Variants in CFAP46 observed in about 807,000 individuals in gnomAD.
CFAP46 encodes cilia and flagella associated protein 46, also known as cilia- and flagella-associated protein 46.
In CFAP46, 245 loss-of-function variants were observed where a neutral mutation model predicts 325.7. The ratio of observed to expected loss-of-function variants is 0.75; its 90% CI spans 0.68 to 0.84. The LOEUF is 0.84. Ranked by LOEUF, CFAP46 falls within the 40% of genes least tolerant of loss-of-function variation. CFAP46 has a pLI of 0.00. For synonymous variants in CFAP46, 1,523 were observed against 1,495.9 expected (o/e 1.02, Z -0.42); for missense variants, 3,346 against 3,543.0 (o/e 0.94, Z 1.41).
rs1276742774 is a variant in CFAP46, at chr10:132,936,979, T to C, written c.737A>G (p.Tyr246Cys). Residue 246 changes from tyrosine (Y) to cysteine (C), a missense_variant, in exon 7 of 58, where the codon TAT becomes TGT. Coordinates refer to ENST00000368586, the MANE Select transcript of CFAP46 (RefSeq NM_001200049.3). ...GACTTACGCCTTTAGCATATTAATA[T>C]AGAAAGTGACTGACAGGCTAATGGA... ...KNSISLSVTF[Y>C]INMLKAKAEQ... 1.3e-6 allele frequency: 2 copies of C among 1,545,844 alleles called. No individual in the cohort carries two copies. Among genetic ancestry groups the C allele is most frequent in the Non-Finnish European group, 1.8e-6 (2 of 1,137,072 alleles).
chr10:132,877,984 C>G lies in CFAP46; in HGVS notation c.4109G>C (p.Ser1370Thr). The G allele has an allele frequency of 3.2e-6, 5 of 1,550,144 alleles. No individual in the cohort carries two copies. Among genetic ancestry groups the G allele is most frequent in the African/African-American group, 1.4e-5 (1 of 72,790 alleles). Residue 1370 changes from serine to threonine, a missense_variant, in exon 30 of 58, where the codon AGT becomes ACT. By Grantham distance (58) the Ser-to-Thr change is moderately conservative (BLOSUM62 1). Coordinates refer to ENST00000368586, the MANE Select transcript of CFAP46 (RefSeq NM_001200049.3). This position sits in a 1 kb window ranked among gnomAD's most constrained non-coding sequence, Gnocchi z 5.7. ...LPKKEKENER[S>T]KEKEKERSKE... Reference sequence around the variant, plus strand: ...ACTCCTCTCCTTCTCCTTCTCTTTACTCCTCTCATTCTCCTTCTCTTTTTT... The same window carrying G: ...ACTCCTCTCCTTCTCCTTCTCTTTAGTCCTCTCATTCTCCTTCTCTTTTTT...
chr10:132,913,144 C>A lies in CFAP46; in HGVS notation c.2235G>T (p.Leu745=). ...CCAGGATCAGGTGGTGGTTGTGGTTCAGGACGTAGACCACGGCGTTCTGCA... is the reference window on the plus strand; with the variant it reads ...CCAGGATCAGGTGGTGGTTGTGGTTAAGGACGTAGACCACGGCGTTCTGCA... ...WIVQNAVVYV[L]NHNHHLILAG... is the part of the protein sequence containing the mutation. The change falls in exon 18 of 58, where the codon CTG becomes CTT. Residue 745 remains leucine, a synonymous_variant. Transcript: ENST00000368586. 1 of 1,550,450 alleles carries A rather than the reference C, an allele frequency of 6.4e-7. No homozygotes were observed. The highest frequency in any genetic ancestry group is 1.2e-5 in the South Asian group (1 of 84,066).
chr10:132,808,876 C>T lies in CFAP46; in HGVS notation c.7693G>A (p.Ala2565Thr). The T allele has an allele frequency of 6.3e-7, 1 of 1,597,430 alleles. No homozygotes were observed. The highest frequency in any genetic ancestry group is 8.6e-7 in the Non-Finnish European group (1 of 1,168,364). The change falls in exon 58 of 58, where the codon GCT becomes ACT. Residue 2565 changes from alanine (A) to threonine (T), a missense_variant. Physicochemically the swap from Ala to Thr is moderately conservative, Grantham distance 58. Coordinates refer to ENST00000368586, the MANE Select transcript of CFAP46 (RefSeq NM_001200049.3). The surrounding 1 kb of genome is among the most constrained non-coding windows in gnomAD (Gnocchi z 6.8). ...GCTCGGAGCTTTGGAGCAGCAGCAG[C>T]TTGTCCTTCAAGGTCTGAGAAGCCT... The part of the protein sequence containing the change: ...RRGFSDLEGQ[A>T]AAAPKLRAPS...
intron 25 of CFAP46, among the ~76,000 whole-genome samples, chr10:132,890,267 G>GCTGC (rs1417956299): frequency 1.3e-5 from 2 of 152,174 alleles, no homozygotes; most frequent in Non-Finnish European, 2.9e-5. Flanking sequence ...AGGGGTCTGG[G>GCTGC]CTGCCTTCTG....
At position 132,876,978 on chromosome 10, in the gene CFAP46, A is replaced by G. The variant is rs1357904139; in HGVS notation, c.4213-17T>C. The G allele has an allele frequency of 1.3e-6, 2 of 1,548,010 alleles. No homozygotes were observed. Among genetic ancestry groups the G allele is most frequent in the East Asian group, 4.9e-5 (2 of 40,898 alleles). On this transcript the variant is annotated splice_polypyrimidine_tract_variant and intron_variant, in intron 30 of 57. Coordinates refer to ENST00000368586, the MANE Select transcript of CFAP46 (RefSeq NM_001200049.3). This position sits in a 1 kb window ranked among gnomAD's most constrained non-coding sequence, Gnocchi z 4.1. Reference sequence around the variant, plus strand: ...GCTTTGAGACTAGAAAGGCAAGAATACAGGATTTACCTGAAACGGTGGAGG... The same window carrying G: ...GCTTTGAGACTAGAAAGGCAAGAATGCAGGATTTACCTGAAACGGTGGAGG...
At chr10:132,929,880 C>T (rs1849866761) in intron 8 of CFAP46, 76 bp from the exon 9 acceptor site, 6 of 1,003,188 alleles carry the variant, frequency 6.0e-6, no homozygotes, top group African/African-American at 1.6e-5. Flanking sequence ...GAATCCATGT[C>T]CCCCGTTCAA....
intron 7 of CFAP46, among the ~76,000 whole-genome samples, chr10:132,936,644 A>G: frequency 7.5e-6 from 1 of 133,628 alleles, no homozygotes; most frequent in African/African-American, 2.8e-5. Flanking sequence ...TGATCTCCTC[A>G]CTCCCCTCGG....
chr10:132,925,781 T>C (rs1325127337), intron 10 of CFAP46, among the ~76,000 whole-genome samples: 1 of 152,218 alleles, frequency 6.6e-6, no homozygotes, highest in East Asian at 1.9e-4. Flanking sequence ...GGGCTGAGGA[T>C]GGATGCGTTA....
Position 132,910,414 on chromosome 10 carries a change from G to A in CFAP46, c.2500-346C>T, listed in dbSNP as rs569058172. Reference sequence around the variant, plus strand: ...CGGTTGGGGGTGGGGCAGCAAGGACGGAGCCCCGAAAGTGGGGGCGTGAAA... The same window carrying A: ...CGGTTGGGGGTGGGGCAGCAAGGACAGAGCCCCGAAAGTGGGGGCGTGAAA... On this transcript the variant is annotated intron_variant, in intron 19 of 57. Transcript: ENST00000368586. Among the ~76,000 whole-genome samples the A allele has an allele frequency of 5.3e-5, 8 of 152,378 alleles. No individual in the cohort carries two copies. In the East Asian group the frequency reaches 5.8e-4, roughly 11 times the overall value.
At chr10:132,890,395 A>T (rs949887509) in intron 25 of CFAP46, among the ~76,000 whole-genome samples, 1 of 152,166 alleles carries the variant, frequency 6.6e-6, no homozygotes, top group Non-Finnish European at 1.5e-5. Flanking sequence ...ACCAGGCTGC[A>T]CCCTGGACAC....
At chr10:132,905,699 C>A (rs1401789493) in intron 22 of CFAP46, among the ~76,000 whole-genome samples, 1 of 152,228 alleles carries the variant, frequency 6.6e-6, no homozygotes, top group Non-Finnish European at 1.5e-5. Flanking sequence ...AGTTCTATTT[C>A]CTGCTCCTCT....
rs970871353 is a variant in CFAP46 at position 132,913,346 on chromosome 10, C to T, written c.2121-88G>A. Reference sequence around the variant, plus strand: ...GAAGGCTGCGGGGCCTGTTAGGAACCAGGCTGCAGGGCAAGAAGTGGGAGG... The same window carrying T: ...GAAGGCTGCGGGGCCTGTTAGGAACTAGGCTGCAGGGCAAGAAGTGGGAGG... On this transcript the variant is annotated intron_variant, in intron 17 of 57. Coordinates refer to ENST00000368586, the MANE Select transcript of CFAP46 (RefSeq NM_001200049.3). The T allele has an allele frequency of 2.0e-5, 14 of 703,796 alleles. No homozygotes were observed. The East Asian group carries it at 2.9e-4, about 15-fold the overall frequency. 43.6% of individuals were successfully genotyped at this position (703,796 alleles called of 1,614,324 possible). A position where few individuals can be genotyped will look rare whatever the true frequency, so the allele number is the denominator to read the frequency against.
At chr10:132,899,476 A>G (rs985971282) in intron 23 of CFAP46, 59 bp downstream of exon 23, 9 of 1,486,016 alleles carry the variant, frequency 6.1e-6, no homozygotes, top group Non-Finnish European at 5.4e-6. Context: ...TGGTGAGCAC[A>G]GGGGTCCCGC....
At position 132,853,675 on chromosome 10, in the gene CFAP46, A is replaced by G. The variant is rs548927252; in HGVS notation, c.5575-2370T>C. ...TTCCTTTGTGAGAATGTTTTTAATT[A>G]CAAATTAAAAATTTAAAATATATAG... On this transcript the variant is annotated intron_variant, in intron 39 of 57. Transcript: ENST00000368586. Among the ~76,000 whole-genome samples, 4 of 152,272 alleles carry G rather than the reference A, an allele frequency of 2.6e-5. No homozygotes were observed. In the South Asian group the frequency reaches 8.3e-4, roughly 32 times the overall value.
intron 39 of CFAP46, among the ~76,000 whole-genome samples, chr10:132,851,649 G>T (rs1170535595): frequency 6.6e-6 from 1 of 152,202 alleles, no homozygotes; most frequent in Non-Finnish European, 1.5e-5. Flanking sequence ...ATTTTCCTCG[G>T]TAAAGTCACC....
In CFAP46 at chr10:132,937,024, A is replaced by C. The variant is rs1191416177; in HGVS notation, c.692T>G (p.Leu231Ter). The C allele has an allele frequency of 6.5e-7, 1 of 1,533,096 alleles. No individual in the cohort carries two copies. 95.0% of individuals were successfully genotyped at this position (1,533,096 alleles called of 1,614,324 possible). A position where few individuals can be genotyped will look rare whatever the true frequency, so the allele number is the denominator to read the frequency against. The change falls in exon 7 of 58, where the codon TTA becomes TGA. Residue 231 changes from leucine to a stop codon, truncating the protein, a stop_gained. Transcript: ENST00000368586. LOFTEE classifies it high-confidence loss of function. ...VRHELMDELQ[L>*]KEEKKNSISL... ...AATGGAATTTTTCTTTTCTTCCTTT[A>C]ACTGAAGTTCGTCCATTAATTCATG...
In CFAP46 at chr10:132,884,562, C is replaced by T. The variant is rs1849094150; in HGVS notation, c.3627+541G>A. Among the ~76,000 whole-genome samples, 1 of 152,142 alleles carries T rather than the reference C, an allele frequency of 6.6e-6. No homozygotes were observed. The highest frequency in any genetic ancestry group is 6.5e-5 in the Admixed American group (1 of 15,282). ...CAGGTGCATACCACATGGCCCTTGC[C>T]CCTGACAAGCAGAGGCATCAAATCA... On this transcript the variant is annotated intron_variant, in intron 27 of 57. Coordinates refer to ENST00000368586, the MANE Select transcript of CFAP46 (RefSeq NM_001200049.3). This position sits in a 1 kb window ranked among gnomAD's most constrained non-coding sequence, Gnocchi z 5.4.
At position 132,859,164 on chromosome 10, in the gene CFAP46, T is replaced by C. The variant is rs1848689640; in HGVS notation, c.5282A>G (p.Asp1761Gly). The C allele has an allele frequency of 1.9e-6, 3 of 1,550,784 alleles. No individual in the cohort carries two copies. In the African/African-American group the frequency reaches 4.1e-5, roughly 21 times the overall value. The change falls in exon 38 of 58, where the codon GAT becomes GGT. Residue 1761 changes from aspartate (D) to glycine (G), a missense_variant. Asp to Gly is a moderately conservative substitution (Grantham distance 94). Transcript: ENST00000368586. Reference protein sequence around the residue: ...TECSLLLKEMDDGLLEIERKF... With the variant: ...TECSLLLKEMGDGLLEIERKF... ...TCTCTCAATTTCCAACAGGCCATCA[T>C]CCATCTCTTTCAGTAGCAACGAGCA... is the stretch of plus-strand genomic sequence containing the variant.
In CFAP46 at chr10:132,876,379, C is replaced by T. The variant is rs1024952231; in HGVS notation, c.4362+433G>A. ...TTGATCCACACAAAAGAGGAGGCCA[C>T]GTGACCACAGAGGCTGACCGGGATG... On this transcript the variant is annotated intron_variant, in intron 31 of 57. Transcript: ENST00000368586. The surrounding 1 kb of genome is among the most constrained non-coding windows in gnomAD (Gnocchi z 4.1). Among the ~76,000 whole-genome samples, 44 of 152,346 alleles carry T rather than the reference C, an allele frequency of 2.9e-4. No homozygotes were observed. Among genetic ancestry groups the T allele is most frequent in the African/African-American group, 9.4e-4 (39 of 41,580 alleles).
Sources: gnomAD v4.1 joint callset for allele counts (sites outside exome capture counted in the v4.1 genomes callset) on GRCh38, gnomAD v4.1.1 for gene constraint, Gnocchi (gnomAD v3.1) non-coding constraint, MANE v1.5 for transcripts, NCBI Gene and HGNC (gene_info 2026-07-23, HGNC 2026-07-21) for gene names.